Variants in DHRS12 observed in about 807,000 individuals in gnomAD.
DHRS12 encodes dehydrogenase/reductase SDR family member 12.
DHRS12 carries 29 observed loss-of-function variants against 32.1 expected under a neutral mutation model. That is an observed-to-expected ratio of 0.90 (90% confidence interval 0.67 to 1.23). The LOEUF (loss-of-function observed/expected upper bound fraction) is 1.23, where lower values mean the gene tolerates loss of function less well. Ranked by LOEUF, DHRS12 falls within the 50% of genes most tolerant of loss-of-function variation. The probability of loss-of-function intolerance (pLI) is 0.00; values close to 1 mark genes in which losing one functional copy is unlikely to be tolerated. For synonymous variants in DHRS12, 150 were observed against 135.9 expected, an observed-to-expected ratio of 1.10 and a Z score of -0.72; for missense variants, 330 against 337.2, an observed-to-expected ratio of 0.98 and a Z score of 0.17.
chr13:51,759,408 G>A, the DHRS12 span, among the ~76,000 whole-genome samples: 2 of 152,160 alleles, frequency 1.3e-5, no homozygotes, highest in Non-Finnish European at 2.9e-5. Context: ...TGCCTCAGAT[G>A]TAAACACAGT....
At chr13:51,780,633 C>T (rs547051484) in intron 4 of DHRS12, among the ~76,000 whole-genome samples, 3 of 152,280 alleles carry the variant, frequency 2.0e-5, no homozygotes, top group African/African-American at 7.2e-5. Flanking sequence ...CTAAATATGG[C>T]AACAAGAACT....
Position 51,776,940 on chromosome 13 carries a change from T to C in DHRS12, c.363+120A>G. 2.7e-6 allele frequency: 3 copies of C among 1,103,652 alleles called. No homozygotes were observed. In the South Asian group the frequency reaches 4.0e-5, roughly 15 times the overall value. 68.4% of individuals were successfully genotyped at this position (1,103,652 alleles called of 1,614,324 possible). A position where few individuals can be genotyped will look rare whatever the true frequency, so the allele number is the denominator to read the frequency against. On this transcript the variant is annotated intron_variant, in intron 5 of 8. Transcript: ENST00000444610. ...TCGGCCCCCTGACAGAATTGAGGTT[T>C]TGCTGTGGATGTGGACAGAATGGCC...
chr13:51,796,366 C>T (rs965640668), intron 2 of DHRS12, among the ~76,000 whole-genome samples: 5 of 152,192 alleles, frequency 3.3e-5, no homozygotes, highest in African/African-American at 1.2e-4. Context: ...GGACGCTCCA[C>T]CTCTGAGTGC....
At position 51,790,100 on chromosome 13, in the gene DHRS12, T is replaced by G. The variant is rs1955197426; in HGVS notation, c.220-8A>C. The G allele has an allele frequency of 6.4e-7, 1 of 1,569,006 alleles. No homozygotes were observed. The highest frequency in any genetic ancestry group is 8.6e-7 in the Non-Finnish European group (1 of 1,164,558). On this transcript the variant is annotated splice_region_variant and splice_polypyrimidine_tract_variant and intron_variant, in intron 3 of 8. Coordinates refer to ENST00000444610, the MANE Select transcript of DHRS12 (RefSeq NM_001377533.1). ...GCAACCTGCATTATTGATCTAAAATTTATAGTTCTCATTTCAAAATAAAGA... is the reference window on the plus strand; with the variant it reads ...GCAACCTGCATTATTGATCTAAAATGTATAGTTCTCATTTCAAAATAAAGA...
At chr13:51,773,136 G>T in intron 6 of DHRS12, 1 of 916,936 alleles carries the variant, frequency 1.1e-6, no homozygotes, top group Non-Finnish European at 1.3e-6. Context: ...TACAGGTTGA[G>T]CATCCTTCAT....
chr13:51,767,776 TGGGGCGGGGGGGG>T (rs1953802422), downstream of DHRS12: 7 of 32,130 alleles, frequency 2.2e-4, no homozygotes, highest in Admixed American at 7.7e-4. Flanking sequence ...AGCCCTCTCC[TGGGGCGGGGGGGG>T]GGGGGGGGTG....
chr13:51,776,990 C>G, intron 5 of DHRS12, 70 bp downstream of exon 5: 1 of 1,580,124 alleles, frequency 6.3e-7, no homozygotes, highest in Middle Eastern at 1.7e-4. Context: ...AGGCAGCAAA[C>G]CTAGGCCCAC....
intron 6 of DHRS12, chr13:51,772,642 CAG>C: frequency 1.0e-6 from 1 of 985,410 alleles, no homozygotes; most frequent in South Asian, 4.7e-5. Flanking sequence ...GTACTAGACA[CAG>C]AGAATACATC....
intron 7 of DHRS12, 148 bp from the exon 8 acceptor site, chr13:51,769,441 C>T (rs528298897): frequency 1.1e-3 from 774 of 696,288 alleles, no homozygotes; most frequent in Non-Finnish European, 1.5e-3. Context: ...CCAAGCCACT[C>T]GGAACCAGTT....
chr13:51,768,450 G>A, intron 8 of DHRS12, 154 bp from the exon 9 acceptor site: 1 of 1,449,922 alleles, frequency 6.9e-7, no homozygotes, highest in Non-Finnish European at 9.0e-7. Flanking sequence ...GGTCCCACAG[G>A]GATCAGGCAG....
the DHRS12 span, chr13:51,758,305 G>A: frequency 3.8e-6 from 6 of 1,573,202 alleles, no homozygotes; most frequent in African/African-American, 8.1e-5. Context: ...ATTAAGGTAA[G>A]ATGCCATCTT....
the DHRS12 span, chr13:51,756,229 C>T: frequency 6.7e-7 from 1 of 1,482,070 alleles, no homozygotes; most frequent in Non-Finnish European, 9.1e-7. Context: ...GCATCCTCAC[C>T]TGGATGCAGT....
intron 1 of DHRS12, among the ~76,000 whole-genome samples, chr13:51,801,346 C>A (rs1955744837): frequency 6.6e-6 from 1 of 152,086 alleles, no homozygotes; most frequent in Non-Finnish European, 1.5e-5. Context: ...GTCACCACAC[C>A]CGGCTAATTT....
chr13:51,771,174 G>A, intron 7 of DHRS12: 1 of 1,544,728 alleles, frequency 6.5e-7, no homozygotes, highest in Non-Finnish European at 8.7e-7. Context: ...TCCGCAGACA[G>A]CGCTGAGACC....
intron 4 of DHRS12, among the ~76,000 whole-genome samples, chr13:51,783,607 T>A (rs993068873): frequency 1.3e-5 from 2 of 152,148 alleles, no homozygotes; most frequent in Non-Finnish European, 2.9e-5. Context: ...TCACCCCAGA[T>A]GTTCCCTCAC....
chr13:51,771,508 T>TGACAATGGTCACCGGCTC (rs770682735), intron 7 of DHRS12: 1 of 1,613,822 alleles, frequency 6.2e-7, no homozygotes, highest in South Asian at 1.1e-5. Context: ...GACGTGGAAA[T>TGACAATGGTCACCGGCTC]GACAATGGTC....
Position 51,777,049 on chromosome 13 carries a change from G to A in DHRS12, c.363+11C>T, listed in dbSNP as rs1171191427. 1.2e-6 allele frequency: 2 copies of A among 1,614,058 alleles called. No individual in the cohort carries two copies. Among genetic ancestry groups the A allele is most frequent in the East Asian group, 2.2e-5 (1 of 44,882 alleles). On this transcript the variant is annotated intron_variant, in intron 5 of 8. Transcript: ENST00000444610. The stretch of plus-strand genomic sequence containing the variant: ...CCATTATCCTCAAAACATCCCATAA[G>A]GTCAACTCACCACTCGGGGGTCGTG...
intron 2 of DHRS12, chr13:51,797,844 G>A (rs1955578130): frequency 6.5e-7 from 1 of 1,535,512 alleles, no homozygotes; most frequent in Non-Finnish European, 8.7e-7. Context: ...CGCTCTCCCG[G>A]ATGATCTCAC....
chr13:51,762,879 C>T, the DHRS12 span: 1 of 152,238 alleles, frequency 6.6e-6, no homozygotes, highest in African/African-American at 2.4e-5. Context: ...ACCACATGTT[C>T]TTGGTTCCTC....
Sources: gnomAD v4.1 joint callset for allele counts (sites outside exome capture counted in the v4.1 genomes callset) on GRCh38, gnomAD v4.1.1 for gene constraint, MANE v1.5 for transcripts, NCBI Gene and HGNC (gene_info 2026-07-23, HGNC 2026-07-21) for gene names.